The following TBC1D9B variants were observed in gnomAD, a reference collection of about 807,000 sequenced individuals.
The protein encoded by TBC1D9B is TBC1 domain family member 9B.
In TBC1D9B, 87 loss-of-function variants were observed where a neutral mutation model predicts 121.1. That is an observed-to-expected ratio of 0.72 (90% CI 0.60 to 0.86). The LOEUF is 0.86. Ranked by LOEUF, TBC1D9B falls within the 40% of genes least tolerant of loss-of-function variation. TBC1D9B has a pLI of 0.00. For synonymous variants in TBC1D9B, 668 were observed against 670.1 expected (o/e 1.00, Z 0.05); for missense variants, 1,540 against 1,628.6 (o/e 0.95, Z 0.94).
At position 179,907,748 on chromosome 5, in the gene TBC1D9B, A is replaced by T; in HGVS notation, c.74T>A (p.Val25Glu). Residue 25 changes from valine (V) to glutamate (E), a missense_variant, in exon 1 of 21, where the codon GTG (valine) becomes GAG (glutamate). Physicochemically the swap from Val to Glu is moderately radical, Grantham distance 121. Coordinates refer to ENST00000355235, the MANE Select transcript of TBC1D9B (RefSeq NM_015043.4). This position sits in a 1 kb window ranked among gnomAD's most constrained non-coding sequence, Gnocchi z 5.3. ...WVTERANPFF[V>E]LQRRRGHGRG... Reference sequence around the variant, plus strand: ...GCCGTGGCCCCGGCGTCGCTGCAGCACGAAGAAGGGGTTGGCCCGCTCCGT... The same window carrying T: ...GCCGTGGCCCCGGCGTCGCTGCAGCTCGAAGAAGGGGTTGGCCCGCTCCGT... 4 of 1,205,216 alleles carry T rather than the reference A, an allele frequency of 3.3e-6. No homozygotes were observed. The highest frequency in any genetic ancestry group is 4.2e-6 in the Non-Finnish European group (4 of 943,902). The allele number at this position is 1,205,216 out of a possible 1,614,324, so 74.7% of individuals were successfully genotyped here.
At chr5:179,886,591 G>T (rs1219298120) in intron 7 of TBC1D9B, among the ~76,000 whole-genome samples, 1 of 152,168 alleles carries the variant, frequency 6.6e-6, no homozygotes, top group Non-Finnish European at 1.5e-5. Context: ...CACTGACGTA[G>T]TAATTTATTT....
chr5:179,864,152 A>C, intron 20 of TBC1D9B, 24 bp from the exon 21 acceptor site: 1 of 1,572,672 alleles, frequency 6.4e-7, no homozygotes, highest in Non-Finnish European at 8.7e-7. Context: ...AAACAGAAGA[A>C]CAGGGAGATG....
In TBC1D9B at chr5:179,891,619, G is replaced by A. The variant is rs1760869205; in HGVS notation, c.837-33C>T. ...AACAAGGTAGGAGGACAGGAGGAAA[G>A]GGGACAAGGTCAGGACCAGCACACT... is the stretch of plus-strand genomic sequence containing the variant. On this transcript the variant is annotated intron_variant, in intron 5 of 20. Coordinates refer to ENST00000355235, the MANE Select transcript of TBC1D9B (RefSeq NM_015043.4). The surrounding 1 kb of genome is among the most constrained non-coding windows in gnomAD (Gnocchi z 4.3). 2 of 1,606,588 alleles carry A rather than the reference G, an allele frequency of 1.2e-6. No individual in the cohort carries two copies. Among genetic ancestry groups the A allele is most frequent in the Non-Finnish European group, 1.7e-6 (2 of 1,177,848 alleles).
Position 179,863,976 on chromosome 5 carries a change from C to A in TBC1D9B, c.3174G>T (p.Lys1058Asn). ...GKKFSARTGR[K>N]PRDCATEEDE... ...CCTCCTCAGTGGCACAGTCCCTGGG[C>A]TTCCTGCCTGTGCGGGCTGAGAACT... Residue 1058 changes from lysine to asparagine, a missense_variant, in exon 21 of 21, where the codon AAG (lysine) becomes AAT (asparagine). Coordinates refer to ENST00000355235, the MANE Select transcript of TBC1D9B (RefSeq NM_015043.4). The surrounding 1 kb of genome is among the most constrained non-coding windows in gnomAD (Gnocchi z 4.5). 1 of 1,613,866 alleles carries A rather than the reference C, an allele frequency of 6.2e-7. No individual in the cohort carries two copies. Among genetic ancestry groups the A allele is most frequent in the Non-Finnish European group, 8.5e-7 (1 of 1,180,044 alleles).
At chr5:179,905,836 A>G (rs1474682591) in intron 1 of TBC1D9B, among the ~76,000 whole-genome samples, 1 of 152,210 alleles carries the variant, frequency 6.6e-6, no homozygotes, top group African/African-American at 2.4e-5. Flanking sequence ...TTGATGTCAG[A>G]ACAATTTTTA....
Position 179,873,230 on chromosome 5 carries a change from G to T in TBC1D9B, c.2205C>A (p.Val735=). 6.2e-7 allele frequency: 1 copy of T among 1,610,812 alleles called. No individual in the cohort carries two copies. Among genetic ancestry groups the T allele is most frequent in the South Asian group, 1.1e-5 (1 of 90,484 alleles). Residue 735 remains valine, a synonymous_variant, in exon 13 of 21, where the codon GTC becomes GTA. Coordinates refer to ENST00000355235, the MANE Select transcript of TBC1D9B (RefSeq NM_015043.4). ...TMLGRYLDNV[V]NKQSVSPPIP... ...TAGGAGGAGAGACACTCTGCTTGTT[G>T]ACCACATTATCCAGGTATCTGCAAA... is the stretch of plus-strand genomic sequence containing the variant.
intron 3 of TBC1D9B, among the ~76,000 whole-genome samples, chr5:179,898,607 C>T (rs1047292235): frequency 1.3e-5 from 2 of 152,042 alleles, no homozygotes; most frequent in African/African-American, 4.8e-5. Context: ...TGCCACCATG[C>T]CTGGCTAATT....
rs1354725212 is a variant in TBC1D9B, at chr5:179,878,422, G to A, written c.1669C>T (p.Leu557=). Residue 557 remains leucine (L), a synonymous_variant, in exon 10 of 21, where the codon CTG becomes TTG. Transcript: ENST00000355235. The part of the protein sequence containing the change: ...SLATEEIERD[L]HRSMPEHPAF... ...GGGTGCTCGGGCATGGAGCGGTGCAGGTCTCGCTCGATCTCCTCTGTGGCC... is the reference window on the plus strand; with the variant it reads ...GGGTGCTCGGGCATGGAGCGGTGCAAGTCTCGCTCGATCTCCTCTGTGGCC... 6.2e-7 allele frequency: 1 copy of A among 1,613,494 alleles called. No homozygotes were observed. Among genetic ancestry groups the A allele is most frequent in the Non-Finnish European group, 8.5e-7 (1 of 1,179,786 alleles).
At position 179,863,681 on chromosome 5, in the gene TBC1D9B, T is replaced by G. The variant is rs201597446; in HGVS notation, c.3469A>C (p.Thr1157Pro). Reference sequence around the variant, plus strand: ...CAGGCCTCCCCGCCCACCAGCACCGTGTCGTCTGCAAGGTCTTCACATTGC... The same window carrying G: ...CAGGCCTCCCCGCCCACCAGCACCGGGTCGTCTGCAAGGTCTTCACATTGC... ...SLQCEDLADDTVLVGGEACSP... is the reference protein window; with the variant it reads ...SLQCEDLADDPVLVGGEACSP... The change falls in exon 21 of 21, where the codon ACG (threonine) becomes CCG (proline). Residue 1157 changes from threonine (T) to proline (P), a missense_variant. Transcript: ENST00000355235. The surrounding 1 kb of genome is among the most constrained non-coding windows in gnomAD (Gnocchi z 4.5). The G allele has an allele frequency of 1.2e-6, 2 of 1,613,682 alleles. No homozygotes were observed. The highest frequency in any genetic ancestry group is 1.7e-6 in the Non-Finnish European group (2 of 1,180,004).
rs1364692373 is a variant in TBC1D9B, at chr5:179,862,245, A to G, written c.*1203T>C. On this transcript the variant is annotated 3_prime_UTR_variant, in exon 21 of 21. Transcript: ENST00000355235. ...GGGTCTGGTTTTAGATATCCACTGT[A>G]TCCCCTGTGGATAAGGGGGTAACTG... is the stretch of plus-strand genomic sequence containing the variant. 4.3e-6 allele frequency: 1 copy of G among 232,838 alleles called. No homozygotes were observed. Among genetic ancestry groups the G allele is most frequent in the Non-Finnish European group, 9.2e-6 (1 of 108,240 alleles). The allele number at this position is 232,838 out of a possible 1,614,324, so 14.4% of individuals were successfully genotyped here.
In TBC1D9B at chr5:179,874,338, T is replaced by C. The variant is rs1760296160; in HGVS notation, c.2186+564A>G. 6.7e-6 allele frequency among the ~76,000 whole-genome samples: 1 copy of C among 149,878 alleles called. No individual in the cohort carries two copies. Among genetic ancestry groups the C allele is most frequent in the Non-Finnish European group, 1.5e-5 (1 of 67,610 alleles). On this transcript the variant is annotated intron_variant, in intron 12 of 20. Coordinates refer to ENST00000355235, the MANE Select transcript of TBC1D9B (RefSeq NM_015043.4). The surrounding 1 kb of genome is among the most constrained non-coding windows in gnomAD (Gnocchi z 4.3). ...GTGGGCCTGGGCTGAGGCAGCAGGC[T>C]GAAGGGAAGGGGCTGGATCCCAGAC...
At position 179,863,667 on chromosome 5, in the gene TBC1D9B, G is replaced by C. The variant is rs199501173; in HGVS notation, c.3483C>G (p.Gly1161=). The change falls in exon 21 of 21, where the codon GGC becomes GGG. Residue 1161 remains glycine (G), a synonymous_variant. Coordinates refer to ENST00000355235, the MANE Select transcript of TBC1D9B (RefSeq NM_015043.4). The surrounding 1 kb of genome is among the most constrained non-coding windows in gnomAD (Gnocchi z 4.5). ...GCGCTGTGGGGCTGCAGGCCTCCCCGCCCACCAGCACCGTGTCGTCTGCAA... is the reference window on the plus strand; with the variant it reads ...GCGCTGTGGGGCTGCAGGCCTCCCCCCCCACCAGCACCGTGTCGTCTGCAA... ...EDLADDTVLV[G]GEACSPTARI... 77 of 1,613,506 alleles carry C rather than the reference G, an allele frequency of 4.8e-5. No homozygotes were observed. The highest frequency in any genetic ancestry group is 1.5e-4 in the Admixed American group (9 of 60,008).
At chr5:179,869,856 G>C in intron 16 of TBC1D9B, 22 bp from the exon 17 acceptor site, 1 of 1,532,572 alleles carries the variant, frequency 6.5e-7, no homozygotes, top group South Asian at 1.3e-5. Context: ...GCCAGGGAGG[G>C]CTGGGTCTGG....
intron 15 of TBC1D9B, 197 bp from the exon 16 acceptor site, chr5:179,870,692 G>T: frequency 1.2e-6 from 1 of 830,158 alleles, no homozygotes; most frequent in East Asian, 2.7e-5. Context: ...ATGGGGAGGG[G>T]GTTGGCTGAG....
At position 179,891,925 on chromosome 5, in the gene TBC1D9B, G is replaced by T. The variant is rs148152124; in HGVS notation, c.837-339C>A. On this transcript the variant is annotated intron_variant, in intron 5 of 20. Transcript: ENST00000355235. This position sits in a 1 kb window ranked among gnomAD's most constrained non-coding sequence, Gnocchi z 4.3. ...TGGGCAAGCAGAGCCCAGAGCACCT[G>T]CCCTGGATCCCACTCAGATGGAGGG... 3.2e-4 allele frequency among the ~76,000 whole-genome samples: 48 copies of T among 152,288 alleles called. No individual in the cohort carries two copies. The highest frequency in any genetic ancestry group is 6.0e-4 in the Non-Finnish European group (41 of 68,008).
At position 179,870,513 on chromosome 5, in the gene TBC1D9B, G is replaced by C; in HGVS notation, c.2485-18C>G. The C allele has an allele frequency of 6.3e-7, 1 of 1,595,798 alleles. No homozygotes were observed. Among genetic ancestry groups the C allele is most frequent in the Non-Finnish European group, 8.5e-7 (1 of 1,174,492 alleles). ...TGCTTGGCCTGTGGGACACGGTCTG[G>C]TGAGACGGTCCAGCCGCTAAGCCTG... On this transcript the variant is annotated intron_variant, in intron 15 of 20. Coordinates refer to ENST00000355235, the MANE Select transcript of TBC1D9B (RefSeq NM_015043.4).
chr5:179,872,595 A>G (rs138614987), intron 14 of TBC1D9B: 7,474 of 428,634 alleles, frequency 0.017, 122 homozygotes, highest in Non-Finnish European at 0.024. Context: ...CAGGGAACAC[A>G]TGGGAAGCCA....
intron 2 of TBC1D9B, among the ~76,000 whole-genome samples, chr5:179,903,609 TTC>T: frequency 6.6e-6 from 1 of 152,336 alleles, no homozygotes; most frequent in African/African-American, 2.4e-5. Flanking sequence ...TTACATGTGT[TTC>T]TGTTTAAAGA....
intron 3 of TBC1D9B, among the ~76,000 whole-genome samples, chr5:179,898,375 G>A (rs1016958368): frequency 4.0e-5 from 6 of 151,826 alleles, no homozygotes; most frequent in African/African-American, 9.7e-5. Flanking sequence ...GGATGGTCGC[G>A]ATCTCCTAAC....
Sources: allele counts gnomAD v4.1 joint callset (sites outside exome capture counted in the v4.1 genomes callset), GRCh38; gene constraint gnomAD v4.1.1; non-coding constraint Gnocchi (gnomAD v3.1); transcripts MANE v1.5; gene names NCBI Gene and HGNC (gene_info 2026-07-23, HGNC 2026-07-21).